The following GFRA1 variants were observed in gnomAD, a reference collection of about 807,000 sequenced individuals.
GFRA1 encodes GDNF family receptor alpha 1.
A neutral mutation model predicts 51.6 loss-of-function variants in GFRA1; 16 were observed. The ratio of observed to expected loss-of-function variants is 0.31; its 90% CI spans 0.21 to 0.47. The LOEUF (loss-of-function observed/expected upper bound fraction) is 0.47. Among genes scored for constraint, GFRA1 ranks in the 20% least tolerant of loss-of-function variants. GFRA1 has a pLI of 1.00. For synonymous variants in GFRA1, 270 were observed against 241.3 expected (o/e 1.12, Z -1.10); for missense variants, 530 against 594.3 (o/e 0.89, Z 1.13).
Position 116,061,946 on chromosome 10 carries a change from C to T in GFRA1, c.*2452G>A. ...TTGTCCCTGAACAAGATGCTTCCCC[C>T]TATTTATTTAATCAGCAACTGATTT... On this transcript the variant is annotated 3_prime_UTR_variant, in exon 11 of 11. Transcript: ENST00000355422. 2.5e-6 allele frequency: 1 copy of T among 398,508 alleles called. No individual in the cohort carries two copies. The highest frequency in any genetic ancestry group is 3.6e-5 in the East Asian group (1 of 28,078). The allele number at this position is 398,508 out of a possible 1,614,324, so 24.7% of individuals were successfully genotyped here.
At chr10:116,186,713 C>T (rs557557484) in intron 5 of GFRA1, among the ~76,000 whole-genome samples, 10 of 152,094 alleles carry the variant, frequency 6.6e-5, no homozygotes, top group African/African-American at 2.4e-4. Context: ...CTTAATTAAT[C>T]ACAAGCAAAC....
rs377029723 is a variant in GFRA1, at chr10:116,097,738, T to C, written c.771-974A>G. Among the ~76,000 whole-genome samples the C allele has an allele frequency of 6.8e-4, 103 of 152,258 alleles. 1 individual carries two copies. Among genetic ancestry groups the C allele is most frequent in the African/African-American group, 2.4e-3 (98 of 41,568 alleles). On this transcript the variant is annotated intron_variant, in intron 6 of 10. Coordinates refer to ENST00000355422, the MANE Select transcript of GFRA1 (RefSeq NM_005264.8). The stretch of plus-strand genomic sequence containing the variant: ...ATTATCTGGCAATTATGGGAGACAA[T>C]GGGAGGCTGTCTCAGTTCTCTTCTG...
chr10:116,205,898 T>C (rs1274501789), intron 5 of GFRA1, among the ~76,000 whole-genome samples: 1 of 150,430 alleles, frequency 6.6e-6, no homozygotes, highest in African/African-American at 2.4e-5. Context: ...AAAGTGATTA[T>C]TTAAATCTGG....
rs1256860003 is a variant in GFRA1, at chr10:116,218,014, CTA to C, written c.419-6371_419-6370del. On this transcript the variant is annotated intron_variant, in intron 4 of 10. Coordinates refer to ENST00000355422, the MANE Select transcript of GFRA1 (RefSeq NM_005264.8). Reference sequence around the variant, plus strand: ...CTAATTCCTTCTTGTCATCCTGTAGCTATATGCCATTCAGAAGCCCCAAATCA... The same window carrying C: ...CTAATTCCTTCTTGTCATCCTGTAGCTATGCCATTCAGAAGCCCCAAATCA... 2.6e-5 allele frequency among the ~76,000 whole-genome samples: 4 copies of C among 152,278 alleles called. No individual in the cohort carries two copies. The South Asian group carries it at 8.3e-4, about 32-fold the overall frequency.
Position 116,133,084 on chromosome 10 carries a change from A to G in GFRA1, c.434-7527T>C, listed in dbSNP as rs189317204. 3.0e-3 allele frequency among the ~76,000 whole-genome samples: 462 copies of G among 151,780 alleles called. 3 individuals carry two copies. The highest frequency in any genetic ancestry group is 0.011 in the African/African-American group (446 of 41,398). On this transcript the variant is annotated intron_variant, in intron 5 of 10. Transcript: ENST00000355422. ...GTTATTCATTCTTTAACTTGGTAGA[A>G]TGTCTGGGACGCTGTCTGAATGGGA...
chr10:116,168,251 G>A (rs1422549458), intron 5 of GFRA1, among the ~76,000 whole-genome samples: 3 of 151,804 alleles, frequency 2.0e-5, no homozygotes, highest in African/African-American at 7.3e-5. Flanking sequence ...CTTGGAATAG[G>A]GCAGTGAATA....
rs191721237 is a variant in GFRA1, at chr10:116,216,103, T to A, written c.419-4458A>T. Among the ~76,000 whole-genome samples, 526 of 152,316 alleles carry A rather than the reference T, an allele frequency of 3.5e-3. 7 individuals carry two copies. Among genetic ancestry groups the A allele is most frequent in the South Asian group, 2.7e-3 (13 of 4,824 alleles). On this transcript the variant is annotated intron_variant, in intron 4 of 10. Transcript: ENST00000355422. ...AGATTCACACCCTAGAGATCTTTAA[T>A]GCACTGAGTCCTCCAGAGACAGGGG...
intron 6 of GFRA1, among the ~76,000 whole-genome samples, chr10:116,124,076 T>C (rs1188285584): frequency 6.6e-6 from 1 of 151,918 alleles, no homozygotes; most frequent in Non-Finnish European, 1.5e-5. Context: ...GGCTATTGTT[T>C]GTATTTTTAG....
At chr10:116,124,246 T>TA (rs529375642) in intron 6 of GFRA1, among the ~76,000 whole-genome samples, 27 of 149,872 alleles carry the variant, frequency 1.8e-4, no homozygotes, top group Non-Finnish European at 3.6e-4. Context: ...TTTTTTTTTT[T>TA]AAGACAGATT....
intron 5 of GFRA1, among the ~76,000 whole-genome samples, chr10:116,171,766 A>C (rs1961049531): frequency 6.6e-6 from 1 of 152,164 alleles, no homozygotes; most frequent in Non-Finnish European, 1.5e-5. Flanking sequence ...CAGATCAAGG[A>C]GTCATCGGTT....
At chr10:116,157,062 G>A (rs1959223377) in intron 5 of GFRA1, among the ~76,000 whole-genome samples, 1 of 152,154 alleles carries the variant, frequency 6.6e-6, no homozygotes, top group African/African-American at 2.4e-5. Flanking sequence ...TGCTCTCCCA[G>A]ATACAAGGAA....
chr10:116,246,054 G>A (rs2134663457), intron 4 of GFRA1, among the ~76,000 whole-genome samples: 1 of 152,190 alleles, frequency 6.6e-6, no homozygotes, highest in Admixed American at 6.5e-5. Context: ...ACATAAAGAG[G>A]GAACACTACT....
At chr10:116,077,625 G>T (rs1216476631) in intron 9 of GFRA1, among the ~76,000 whole-genome samples, 1 of 152,202 alleles carries the variant, frequency 6.6e-6, no homozygotes, top group African/African-American at 2.4e-5. Flanking sequence ...CTTTACTGCT[G>T]ATAAAATAAT....
At chr10:116,184,348 G>A (rs1044885233) in intron 5 of GFRA1, among the ~76,000 whole-genome samples, 4 of 151,898 alleles carry the variant, frequency 2.6e-5, no homozygotes, top group African/African-American at 4.8e-5. Context: ...AGAGGTCCAC[G>A]CAGCTTGGAG....
At chr10:116,253,721 T>C (rs1248677453) in intron 4 of GFRA1, among the ~76,000 whole-genome samples, 1 of 152,136 alleles carries the variant, frequency 6.6e-6, no homozygotes, top group Non-Finnish European at 1.5e-5. Flanking sequence ...ATAAAAAGCA[T>C]GTAATTTTTT....
At chr10:116,124,184 T>C (rs4751951) in intron 6 of GFRA1, among the ~76,000 whole-genome samples, 148,539 of 152,096 alleles carry the variant, frequency 0.98, 72,620 homozygotes, top group East Asian at 1. Flanking sequence ...GGATTACAGG[T>C]GTGAGCCACC....
intron 4 of GFRA1, among the ~76,000 whole-genome samples, chr10:116,245,002 C>T (rs572924470): frequency 5.3e-5 from 8 of 152,290 alleles, no homozygotes; most frequent in Admixed American, 3.9e-4. Flanking sequence ...AATAGTTAGA[C>T]ATTCTAGACT....
chr10:116,114,017 C>T (rs532680016), intron 6 of GFRA1, among the ~76,000 whole-genome samples: 11 of 152,292 alleles, frequency 7.2e-5, no homozygotes, highest in Admixed American at 2.6e-4. Flanking sequence ...ACTCTGCCCC[C>T]GGGTGTGGCT....
Position 116,269,525 on chromosome 10 carries a change from G to C in GFRA1, c.396C>G (p.Phe132Leu). The change falls in exon 4 of 11, where the codon TTC (phenylalanine) becomes TTG (leucine). Residue 132 changes from phenylalanine to leucine, a missense_variant. By Grantham distance (22) the Phe-to-Leu change is conservative. Transcript: ENST00000355422. Reference protein sequence around the residue: ...EPVNSRLSDIFRVVPFISDVF... With the variant: ...EPVNSRLSDILRVVPFISDVF... ...TACCTGATATGAATGGGACCACCCG[G>C]AATATATCTGACAATCTGCTGTTAA... 2 of 1,602,602 alleles carry C rather than the reference G, an allele frequency of 1.2e-6. No individual in the cohort carries two copies. The highest frequency in any genetic ancestry group is 1.7e-6 in the Non-Finnish European group (2 of 1,169,514).
Sources: allele counts gnomAD v4.1 joint callset (sites outside exome capture counted in the v4.1 genomes callset), GRCh38; gene constraint gnomAD v4.1.1; transcripts MANE v1.5; gene names NCBI Gene and HGNC (gene_info 2026-07-23, HGNC 2026-07-21).